BRAT1: variants seen among roughly 807,000 people sequenced by gnomAD.
BRAT1 encodes integrator complex assembly factor BRAT1.
In BRAT1, 74 loss-of-function variants were observed where a neutral mutation model predicts 70.6. The ratio of observed to expected loss-of-function variants is 1.05; its 90% confidence interval spans 0.87 to 1.27. The LOEUF (loss-of-function observed/expected upper bound fraction) is 1.27. Ranked by LOEUF, BRAT1 falls within the 50% of genes most tolerant of loss-of-function variation. The probability of loss-of-function intolerance (pLI) is 0.00; values close to 1 mark genes in which losing one functional copy is unlikely to be tolerated. For missense variants in BRAT1, 1,203 were observed against 1,098.2 expected, an observed-to-expected ratio of 1.10 and a Z score of -1.35; for synonymous variants, 615 against 517.1, an observed-to-expected ratio of 1.19 and a Z score of -2.57.
Position 2,554,736 on chromosome 7 carries a change from G to C in BRAT1, c.-16-289C>G, listed in dbSNP as rs144558259. Among the ~76,000 whole-genome samples the C allele has an allele frequency of 7.8e-3, 1,193 of 152,336 alleles. 12 individuals carry two copies. The highest frequency in any genetic ancestry group is 0.013 in the Non-Finnish European group (908 of 68,024). On this transcript the variant is annotated intron_variant, in intron 1 of 13. Coordinates refer to ENST00000340611, the MANE Select transcript of BRAT1 (RefSeq NM_152743.4). The stretch of plus-strand genomic sequence containing the variant: ...TCAAAGTCTGTCACCCTTGGTCTTT[G>C]GTGCAGTCGGGGCAACAGCGTGGTG...
At chr7:2,552,106 ATTTTTTTT>A (rs1174942520) in intron 2 of BRAT1, among the ~76,000 whole-genome samples, 2 of 14,214 alleles carry the variant, frequency 1.4e-4, no homozygotes, top group African/African-American at 4.6e-4. Context: ...ATATATATAT[ATTTTTTTT>A]TTTTTTTTTT....
At chr7:2,548,664 T>G (rs1223615237) in intron 2 of BRAT1, among the ~76,000 whole-genome samples, 1 of 144,346 alleles carries the variant, frequency 6.9e-6, no homozygotes, top group Non-Finnish European at 1.5e-5. Context: ...AGACCCTGTC[T>G]CTCTAAAAAA....
At position 2,554,296 on chromosome 7, in the gene BRAT1, C is replaced by T; in HGVS notation, c.127+9G>A. 2 of 1,613,064 alleles carry T rather than the reference C, an allele frequency of 1.2e-6. No individual in the cohort carries two copies. The highest frequency in any genetic ancestry group is 1.7e-6 in the Non-Finnish European group (2 of 1,179,346). ...GGATAGGCAGTAAACAGCAGCACCA[C>T]CTCCTTACCTCCTTCAGTGACCGTT... On this transcript the variant is annotated intron_variant, in intron 2 of 13. Transcript: ENST00000340611.
Position 2,539,281 on chromosome 7 carries a change from G to A in BRAT1, c.1668C>T (p.Asp556=). 1.2e-6 allele frequency: 2 copies of A among 1,612,032 alleles called. No homozygotes were observed. Among genetic ancestry groups the A allele is most frequent in the Non-Finnish European group, 1.7e-6 (2 of 1,179,926 alleles). Residue 556 remains aspartate, a synonymous_variant, in exon 13 of 14, where the codon GAC becomes GAT. Transcript: ENST00000340611. ...CACTCGCTCGGACATAACTCTCAGG[G>A]TCCTGGAGGAGCTGCAGGGCCAGCT... ...VPQLALQLLQ[D]PESYVRASAV...
In BRAT1 at chr7:2,543,385, G is replaced by A; in HGVS notation, c.804-62C>T. 12 of 1,517,196 alleles carry A rather than the reference G, an allele frequency of 7.9e-6. No individual in the cohort carries two copies. Among genetic ancestry groups the A allele is most frequent in the Non-Finnish European group, 1.1e-5 (12 of 1,132,782 alleles). The allele number at this position is 1,517,196 out of a possible 1,614,324, so 94.0% of individuals were successfully genotyped here. A position where few individuals can be genotyped will look rare whatever the true frequency, so the allele number is the denominator to read the frequency against. ...ACCCTCAAAACCCCATTCGAGGCCT[G>A]GCTGAGACTGCCATGGCTCCGGCAC... On this transcript the variant is annotated intron_variant, in intron 5 of 13. Transcript: ENST00000340611. The surrounding 1 kb of genome is among the most constrained non-coding windows in gnomAD (Gnocchi z 5.5).
At chr7:2,542,326 G>A (rs969381020) in intron 6 of BRAT1, 115 bp from the exon 7 acceptor site, 46 of 858,180 alleles carry the variant, frequency 5.4e-5, no homozygotes, top group Non-Finnish European at 5.1e-5. Flanking sequence ...GACACCCCCC[G>A]AGAAACATTC....
intron 2 of BRAT1, among the ~76,000 whole-genome samples, chr7:2,548,599 G>T (rs542868180): frequency 6.6e-6 from 1 of 151,680 alleles, no homozygotes; most frequent in Admixed American, 6.6e-5. Flanking sequence ...CCAGGAGTTC[G>T]AGGCTGCAGC....
chr7:2,541,149 C>G (rs1378830169), intron 9 of BRAT1, 97 bp from the exon 10 acceptor site: 3 of 1,447,798 alleles, frequency 2.1e-6, no homozygotes, highest in Non-Finnish European at 2.8e-6. Flanking sequence ...CATCCGCCAG[C>G]TGAAACCTCC....
chr7:2,539,276 T>C lies in BRAT1; in HGVS notation c.1673A>G (p.Glu558Gly). 1 of 1,611,994 alleles carries C rather than the reference T, an allele frequency of 6.2e-7. No individual in the cohort carries two copies. The highest frequency in any genetic ancestry group is 8.5e-7 in the Non-Finnish European group (1 of 1,179,928). The part of the protein sequence containing the change: ...QLALQLLQDP[E>G]SYVRASAVTA... ...CACTGCACTCGCTCGGACATAACTC[T>C]CAGGGTCCTGGAGGAGCTGCAGGGC... Residue 558 changes from glutamate (E) to glycine (G), a missense_variant, in exon 13 of 14, where the codon GAG becomes GGG. Coordinates refer to ENST00000340611, the MANE Select transcript of BRAT1 (RefSeq NM_152743.4).
At chr7:2,553,036 G>A (rs1780155670) in intron 2 of BRAT1, among the ~76,000 whole-genome samples, 1 of 151,670 alleles carries the variant, frequency 6.6e-6, no homozygotes, top group Admixed American at 6.6e-5. Context: ...GAGCCACCGC[G>A]CTCGACTGAC....
rs374463976 is a variant in BRAT1 at position 2,541,489 on chromosome 7, G to C, written c.1135-5C>G. On this transcript the variant is annotated splice_region_variant and splice_polypyrimidine_tract_variant and intron_variant, in intron 8 of 13. Coordinates refer to ENST00000340611, the MANE Select transcript of BRAT1 (RefSeq NM_152743.4). ...CCACGGTGAAGGGCGCTGGGGCTGCGAGGAAGAGGGCCGTCAGCCAAGGTT... is the reference window on the plus strand; with the variant it reads ...CCACGGTGAAGGGCGCTGGGGCTGCCAGGAAGAGGGCCGTCAGCCAAGGTT... The C allele has an allele frequency of 6.5e-7, 1 of 1,527,838 alleles. No individual in the cohort carries two copies. Among genetic ancestry groups the C allele is most frequent in the African/African-American group, 1.4e-5 (1 of 72,442 alleles). The allele number at this position is 1,527,838 out of a possible 1,614,324, so 94.6% of individuals were successfully genotyped here. A position where few individuals can be genotyped will look rare whatever the true frequency, so the allele number is the denominator to read the frequency against.
At chr7:2,539,058 G>C in intron 13 of BRAT1, 121 bp downstream of exon 13, 1 of 1,465,166 alleles carries the variant, frequency 6.8e-7, no homozygotes, top group South Asian at 1.3e-5. Flanking sequence ...ACTGCTGCAG[G>C]CGCTGCCCAC....
At chr7:2,552,090 ATATATATATATATATATTTTTT>A (rs1310898627) in intron 2 of BRAT1, among the ~76,000 whole-genome samples, 1 of 17,028 alleles carries the variant, frequency 5.9e-5, no homozygotes, top group Non-Finnish European at 9.9e-5. Flanking sequence ...AAATATATAT[ATATATATATATATATATTTTTT>A]TTTTTTTTTT....
intron 12 of BRAT1, 46 bp downstream of exon 12, chr7:2,539,498 C>T (rs963293277): frequency 7.9e-6 from 12 of 1,515,214 alleles, no homozygotes; most frequent in African/African-American, 4.1e-5. Context: ...GCTCAGTGAG[C>T]CCCCCACAGG....
intron 2 of BRAT1, among the ~76,000 whole-genome samples, chr7:2,548,899 A>T (rs1779802780): frequency 6.6e-6 from 1 of 152,012 alleles, no homozygotes. Context: ...CGGGAGGTGG[A>T]GGTTGCGGTG....
intron 4 of BRAT1, among the ~76,000 whole-genome samples, chr7:2,544,695 C>T (rs964033459): frequency 1.3e-5 from 2 of 152,198 alleles, no homozygotes; most frequent in East Asian, 1.9e-4. Flanking sequence ...TGAGTCCTCA[C>T]GGCTGATCTG....
chr7:2,552,092 ATATATATATATATATTTTTTTTTTT>A (rs1425827232), intron 2 of BRAT1, among the ~76,000 whole-genome samples: 1 of 17,788 alleles, frequency 5.6e-5, no homozygotes, highest in Non-Finnish European at 9.6e-5. Flanking sequence ...ATATATATAT[ATATATATATATATATTTTTTTTTTT>A]TTTTTTTTTT....
intron 2 of BRAT1, among the ~76,000 whole-genome samples, chr7:2,552,104 ATATTTTTTT>A (rs1426394398): frequency 1.5e-4 from 2 of 13,390 alleles, no homozygotes; most frequent in African/African-American, 5.0e-4. Context: ...ATATATATAT[ATATTTTTTT>A]TTTTTTTTTT....
chr7:2,541,134 G>C, intron 9 of BRAT1, 82 bp from the exon 10 acceptor site: 1 of 1,333,384 alleles, frequency 7.5e-7, no homozygotes, highest in Admixed American at 3.3e-5. Context: ...AGCAGAACAA[G>C]GCCTCATCCG....
Sources: allele counts gnomAD v4.1 joint callset (sites outside exome capture counted in the v4.1 genomes callset), GRCh38; gene constraint gnomAD v4.1.1; non-coding constraint Gnocchi (gnomAD v3.1); transcripts MANE v1.5; gene names NCBI Gene and HGNC (gene_info 2026-07-23, HGNC 2026-07-21).